Variants in COL25A1 observed in about 807,000 individuals in gnomAD.
COL25A1 encodes the protein collagen alpha-1(XXV) chain.
A neutral mutation model predicts 128.4 loss-of-function variants in COL25A1; 103 were observed. The observed-to-expected ratio is 0.80, with a 90% CI of 0.68 to 0.94. The LOEUF is 0.94. Among genes scored for constraint, COL25A1 ranks in the 40% least tolerant of loss-of-function variants. The pLI is 0.00. For missense variants in COL25A1, 745 were observed against 840.0 expected, an observed-to-expected ratio of 0.89 and a Z score of 1.40; for synonymous variants, 279 against 277.2, an observed-to-expected ratio of 1.01 and a Z score of -0.06.
At chr4:109,006,223 G>T (rs989274230) in intron 6 of COL25A1, among the ~76,000 whole-genome samples, 30 of 150,950 alleles carry the variant, frequency 2.0e-4, no homozygotes, top group Middle Eastern at 3.4e-3. Context: ...CTAATTTTGT[G>T]GGGGGGTGGC....
chr4:109,223,407 C>CA lies in COL25A1; in HGVS notation c.367+77175dup, dbSNP rs566941038. On this transcript the variant is annotated intron_variant, in intron 3 of 37. Coordinates refer to ENST00000399132, the MANE Select transcript of COL25A1 (RefSeq NM_198721.4). ...TATTATATTCCACATTTCCCCCCCCCAAAAAAAACTGCACTAATGATAGTT... is the reference window on the plus strand; with the variant it reads ...TATTATATTCCACATTTCCCCCCCCCAAAAAAAAACTGCACTAATGATAGTT... 5.9e-5 allele frequency among the ~76,000 whole-genome samples: 9 copies of CA among 151,452 alleles called. No individual in the cohort carries two copies. The South Asian group carries it at 6.3e-4, about 11-fold the overall frequency.
At chr4:109,006,916 G>C (rs1446955454) in intron 6 of COL25A1, among the ~76,000 whole-genome samples, 3 of 152,114 alleles carry the variant, frequency 2.0e-5, no homozygotes, top group Non-Finnish European at 4.4e-5. Context: ...TGGGGGCTTG[G>C]GGGAAGAAAG....
chr4:109,213,797 T>C (rs1414890497), intron 3 of COL25A1, among the ~76,000 whole-genome samples: 2 of 152,298 alleles, frequency 1.3e-5, no homozygotes, highest in African/African-American at 4.8e-5. Flanking sequence ...CTGTCCAAAT[T>C]GTAAGTTTAA....
At chr4:108,869,793 G>T (rs564648741) in intron 19 of COL25A1, among the ~76,000 whole-genome samples, 84 of 152,066 alleles carry the variant, frequency 5.5e-4, no homozygotes, top group Non-Finnish European at 1.0e-3. Flanking sequence ...AGCCATAATG[G>T]CTTTGTTCTC....
At chr4:108,912,187 A>G (rs1036492672) in intron 13 of COL25A1, among the ~76,000 whole-genome samples, 9 of 152,268 alleles carry the variant, frequency 5.9e-5, no homozygotes, top group African/African-American at 1.9e-4. Flanking sequence ...CTGAGAATGT[A>G]TAAATCATTC....
intron 3 of COL25A1, among the ~76,000 whole-genome samples, chr4:109,070,844 G>A (rs1054589235): frequency 7.9e-5 from 12 of 151,908 alleles, no homozygotes; most frequent in East Asian, 1.9e-4. Flanking sequence ...CTTCATCCAC[G>A]TCCCAACAAA....
chr4:109,188,552 G>A (rs1422866736), intron 3 of COL25A1, among the ~76,000 whole-genome samples: 1 of 152,146 alleles, frequency 6.6e-6, no homozygotes, highest in Non-Finnish European at 1.5e-5. Context: ...TGGGCTAAGA[G>A]ATACATGTGT....
chr4:108,891,686 C>T (rs1427505226), intron 16 of COL25A1, among the ~76,000 whole-genome samples: 1 of 151,488 alleles, frequency 6.6e-6, no homozygotes. Flanking sequence ...TTTGGGGCTT[C>T]CTAAATTCTA....
At chr4:109,086,896 A>G (rs891751012) in intron 3 of COL25A1, among the ~76,000 whole-genome samples, 2 of 152,178 alleles carry the variant, frequency 1.3e-5, no homozygotes, top group Non-Finnish European at 1.5e-5. Context: ...AAATACCGCA[A>G]ATAAGTTCAT....
At chr4:108,851,973 T>C (rs13133695) in intron 26 of COL25A1, among the ~76,000 whole-genome samples, 1 of 152,138 alleles carries the variant, frequency 6.6e-6, no homozygotes, top group Admixed American at 6.6e-5. Flanking sequence ...GTGGAACTTG[T>C]TTTTCCCTTG....
chr4:108,983,791 T>C (rs1001319552), intron 6 of COL25A1, among the ~76,000 whole-genome samples: 1 of 152,122 alleles, frequency 6.6e-6, no homozygotes, highest in Non-Finnish European at 1.5e-5. Context: ...GTGGTCTCGC[T>C]GGCTTCAGGA....
chr4:108,869,071 GA>G lies in COL25A1; in HGVS notation c.1083+16del. The G allele has an allele frequency of 6.7e-7, 1 of 1,481,898 alleles. No individual in the cohort carries two copies. The highest frequency in any genetic ancestry group is 9.3e-7 in the Non-Finnish European group (1 of 1,077,892). The allele number at this position is 1,481,898 out of a possible 1,614,324, so 91.8% of individuals were successfully genotyped here. A position where few individuals can be genotyped will look rare whatever the true frequency, so the allele number is the denominator to read the frequency against. On this transcript the variant is annotated intron_variant, in intron 20 of 37. Coordinates refer to ENST00000399132, the MANE Select transcript of COL25A1 (RefSeq NM_198721.4). ...AAAGAAAAAGAAAGAAAGAAGGAAA[GA>G]AAGAGGCCCACTTACTTTTGTTCCT... is the stretch of plus-strand genomic sequence containing the variant.
chr4:109,290,357 G>A (rs764127783), intron 3 of COL25A1, among the ~76,000 whole-genome samples: 1 of 152,024 alleles, frequency 6.6e-6, no homozygotes, highest in Admixed American at 6.6e-5. Context: ...CAATATTCAG[G>A]AAAGTGTCCT....
chr4:109,000,262 CATAT>C (rs1309521601), intron 6 of COL25A1, among the ~76,000 whole-genome samples: 1 of 152,104 alleles, frequency 6.6e-6, no homozygotes, highest in Non-Finnish European at 1.5e-5. Flanking sequence ...AGACATCTTA[CATAT>C]ATTATTTCAG....
In COL25A1 at chr4:108,819,155, A is replaced by T. The variant is rs1731529330; in HGVS notation, c.1923+97T>A. ...ATGCATGTAGTGTGTTTATCATGTAAAGCTTGCCCAGAAAGCACCACTTTA... is the reference window on the plus strand; with the variant it reads ...ATGCATGTAGTGTGTTTATCATGTATAGCTTGCCCAGAAAGCACCACTTTA... On this transcript the variant is annotated intron_variant, in intron 36 of 37. Transcript: ENST00000399132. 5.7e-6 allele frequency: 5 copies of T among 876,406 alleles called. No individual in the cohort carries two copies. The South Asian group carries it at 9.0e-5, about 16-fold the overall frequency. 54.3% of individuals were successfully genotyped at this position (876,406 alleles called of 1,614,324 possible).
intron 3 of COL25A1, among the ~76,000 whole-genome samples, chr4:109,137,398 C>T (rs1769893822): frequency 6.6e-6 from 1 of 152,166 alleles, no homozygotes; most frequent in Non-Finnish European, 1.5e-5. Context: ...TACCTCACTC[C>T]TCAAATTAAT....
At chr4:109,272,862 C>G (rs1782287682) in intron 3 of COL25A1, among the ~76,000 whole-genome samples, 1 of 152,042 alleles carries the variant, frequency 6.6e-6, no homozygotes, top group South Asian at 2.1e-4. Context: ...AGTCACACAA[C>G]AGGAATACAG....
intron 3 of COL25A1, among the ~76,000 whole-genome samples, chr4:109,246,016 C>CAA (rs772260651): frequency 0.048 from 3,144 of 65,542 alleles, 156 homozygotes; most frequent in African/African-American, 0.15. Context: ...TGTTAAAAAG[C>CAA]AAAAAAAAAA....
intron 3 of COL25A1, among the ~76,000 whole-genome samples, chr4:109,149,355 A>G (rs1771249103): frequency 6.6e-6 from 1 of 152,240 alleles, no homozygotes; most frequent in Non-Finnish European, 1.5e-5. Context: ...ATTGAAATAT[A>G]TAAAAACTAC....
Sources: allele counts gnomAD v4.1 joint callset (sites outside exome capture counted in the v4.1 genomes callset), GRCh38; gene constraint gnomAD v4.1.1; transcripts MANE v1.5; gene names NCBI Gene and HGNC (gene_info 2026-07-23, HGNC 2026-07-21).